Variants in HK1 observed in about 807,000 individuals in gnomAD.
HK1 encodes the protein hexokinase 1, also known as hexokinase-1.
A neutral mutation model predicts 91.6 loss-of-function variants in HK1; 28 were observed. That is an observed-to-expected ratio of 0.31 (90% CI 0.23 to 0.42). The LOEUF (loss-of-function observed/expected upper bound fraction) is 0.42. HK1 is among the 10% of genes least tolerant of loss of function. HK1 has a pLI of 1.00. For missense variants in HK1, 770 were observed against 1,219.8 expected, an observed-to-expected ratio of 0.63 and a Z score of 5.49; for synonymous variants, 430 against 468.1, an observed-to-expected ratio of 0.92 and a Z score of 1.05.
At chr10:69,338,170 G>C in intron 1 of HK1, 1 of 917,328 alleles carries the variant, frequency 1.1e-6, no homozygotes, top group Non-Finnish European at 1.3e-6. Flanking sequence ...ACAAGAAGGA[G>C]AATCCAGGAC....
chr10:69,342,808 A>C (rs1157396100), intron 1 of HK1, among the ~76,000 whole-genome samples: 1 of 152,236 alleles, frequency 6.6e-6, no homozygotes, highest in Non-Finnish European at 1.5e-5. Context: ...CTACAGGGAT[A>C]GTGCCATCAG....
At position 69,384,879 on chromosome 10, in the gene HK1, G is replaced by A. The variant is rs200291189; in HGVS notation, c.1803G>A (p.Thr601=). 19 of 1,614,030 alleles carry A rather than the reference G, an allele frequency of 1.2e-5. No homozygotes were observed. The highest frequency in any genetic ancestry group is 2.2e-5 in the South Asian group (2 of 91,088). Residue 601 remains threonine (T), a synonymous_variant, in exon 12 of 18, where the codon ACG becomes ACA. Transcript: ENST00000359426. ...GCCCCAGGATGCCTCTGGGCTTCAC[G>A]TTCTCATTTCCCTGCCAGCAGACGA... ...IKGPRMPLGF[T]FSFPCQQTSL...
intron 15 of HK1, 89 bp from the exon 16 acceptor site, chr10:69,394,861 T>G (rs1840064779): frequency 6.1e-6 from 8 of 1,313,262 alleles, no homozygotes; most frequent in Non-Finnish European, 8.8e-6. Flanking sequence ...TGAGGGGCAG[T>G]AGGAGACGCG....
At chr10:69,361,446 T>C (rs534637408) in intron 3 of HK1, among the ~76,000 whole-genome samples, 1 of 152,372 alleles carries the variant, frequency 6.6e-6, no homozygotes, top group East Asian at 1.9e-4. Context: ...TCCTGCACTT[T>C]CTGTTTGGAA....
intron 3 of HK1, among the ~76,000 whole-genome samples, chr10:69,292,695 G>A (rs889361988): frequency 1.3e-5 from 2 of 152,166 alleles, no homozygotes; most frequent in Non-Finnish European, 2.9e-5. Context: ...ATAAAGGGCT[G>A]AGGAGGGCCT....
chr10:69,309,737 G>C (rs919429728), intron 5 of HK1, among the ~76,000 whole-genome samples: 4 of 151,178 alleles, frequency 2.6e-5, no homozygotes, highest in Non-Finnish European at 5.9e-5. Context: ...GGAGGCGGAA[G>C]TTGCAGTGAG....
Position 69,401,362 on chromosome 10 carries a change from A to C in HK1, c.*227A>C. On this transcript the variant is annotated 3_prime_UTR_variant, in exon 18 of 18. Coordinates refer to ENST00000359426, the MANE Select transcript of HK1 (RefSeq NM_000188.3). ...CTCCTCACTTGCCCTGCCACTTTGC[A>C]TGGTTTGATTTTGACCTGGTCCCCC... The C allele has an allele frequency of 3.3e-6, 2 of 607,250 alleles. No homozygotes were observed. The highest frequency in any genetic ancestry group is 5.8e-6 in the Non-Finnish European group (2 of 342,216). 37.6% of individuals were successfully genotyped at this position (607,250 alleles called of 1,614,324 possible).
At chr10:69,326,851 G>A (rs182526943) in intron 1 of HK1, among the ~76,000 whole-genome samples, 58 of 152,150 alleles carry the variant, frequency 3.8e-4, no homozygotes, top group Non-Finnish European at 6.3e-4. Context: ...ATCTTTTCAT[G>A]CATGTTTTTA....
intron 4 of HK1, among the ~76,000 whole-genome samples, chr10:69,367,557 C>T (rs1849771829): frequency 6.6e-6 from 1 of 152,150 alleles, no homozygotes; most frequent in Non-Finnish European, 1.5e-5. Flanking sequence ...TTTGCAGTTC[C>T]TGACTTAGCT....
intron 3 of HK1, chr10:69,292,434 G>A (rs551017050): frequency 7.7e-6 from 3 of 388,144 alleles, no homozygotes; most frequent in African/African-American, 6.4e-5. Context: ...TGCCCTCCAG[G>A]GGAGATACAC....
intron 4 of HK1, among the ~76,000 whole-genome samples, chr10:69,368,092 GC>G (rs1480325530): frequency 6.6e-6 from 1 of 152,224 alleles, no homozygotes; most frequent in African/African-American, 2.4e-5. Flanking sequence ...AATTATCTTA[GC>G]ATTTTGTTTC....
At chr10:69,325,114 C>T (rs774161508) in intron 1 of HK1, among the ~76,000 whole-genome samples, 65 of 134,438 alleles carry the variant, frequency 4.8e-4, no homozygotes, top group Non-Finnish European at 7.9e-4. Context: ...TGCAGTGGCA[C>T]GATCTCAGCT....
At chr10:69,298,612 T>A (rs1021895481) in intron 4 of HK1, among the ~76,000 whole-genome samples, 1 of 146,066 alleles carries the variant, frequency 6.8e-6, no homozygotes, top group Non-Finnish European at 1.5e-5. Context: ...TGGGTGACAG[T>A]GAGACCCTGT....
chr10:69,396,076 A>G (rs1239840779), intron 16 of HK1, among the ~76,000 whole-genome samples: 2 of 152,136 alleles, frequency 1.3e-5, no homozygotes, highest in East Asian at 1.9e-4. Context: ...GTTCGAGACC[A>G]GCCTGGTTAA....
At chr10:69,358,166 G>A (rs1257404225) in intron 2 of HK1, among the ~76,000 whole-genome samples, 2 of 152,194 alleles carry the variant, frequency 1.3e-5, no homozygotes, top group African/African-American at 4.8e-5. Context: ...TGGCGTGGTA[G>A]ATATTAGGAC....
At chr10:69,375,203 A>G (rs966217124) in intron 7 of HK1, among the ~76,000 whole-genome samples, 5 of 152,230 alleles carry the variant, frequency 3.3e-5, no homozygotes, top group African/African-American at 9.6e-5. Flanking sequence ...AGTGCTGGGA[A>G]AAGTGTCAGA....
chr10:69,306,401 TAAAA>T (rs896819791), intron 5 of HK1, among the ~76,000 whole-genome samples: 2 of 145,898 alleles, frequency 1.4e-5, no homozygotes, highest in African/African-American at 5.0e-5. Context: ...ATAAATAAAA[TAAAA>T]AATAAAGAGG....
rs534115052 is a variant in HK1 at position 69,319,154 on chromosome 10, T to C, written c.63+144T>C. The stretch of plus-strand genomic sequence containing the variant: ...TGGACTGCAGGGCGCAAGGAAAGCC[T>C]TCGCCTTCGATTCTACCGGCATTGT... On this transcript the variant is annotated intron_variant, in intron 1 of 17. Transcript: ENST00000359426. The C allele has an allele frequency of 6.6e-4, 648 of 977,302 alleles. 2 individuals are homozygous for C. The highest frequency in any genetic ancestry group is 1.9e-3 in the South Asian group (134 of 69,384). The allele number at this position is 977,302 out of a possible 1,614,324, so 60.5% of individuals were successfully genotyped here. A position where few individuals can be genotyped will look rare whatever the true frequency, so the allele number is the denominator to read the frequency against.
upstream of HK1, among the ~76,000 whole-genome samples, chr10:69,312,750 T>TAG (rs754332354): frequency 6.6e-6 from 1 of 152,104 alleles, no homozygotes; most frequent in Non-Finnish European, 1.5e-5. Context: ...TTTTCTGCAA[T>TAG]AGAGAATCAG....
Sources: allele counts gnomAD v4.1 joint callset (sites outside exome capture counted in the v4.1 genomes callset), GRCh38; gene constraint gnomAD v4.1.1; transcripts MANE v1.5; gene names NCBI Gene and HGNC (gene_info 2026-07-23, HGNC 2026-07-21).